KLHL18: variants seen among roughly 807,000 people sequenced by gnomAD.
KLHL18 encodes kelch-like protein 18.
Under a neutral mutation model 58.5 loss-of-function variants are expected in KLHL18, and 38 were observed. The observed-to-expected ratio is 0.65, with a 90% confidence interval of 0.50 to 0.85. KLHL18 has a LOEUF of 0.85. KLHL18 is among the 40% of genes least tolerant of loss of function. KLHL18 has a pLI of 0.00. For missense variants in KLHL18, 624 were observed against 778.4 expected, an observed-to-expected ratio of 0.80 and a Z score of 2.36; for synonymous variants, 303 against 301.9, an observed-to-expected ratio of 1.00 and a Z score of -0.04.
At chr3:47,331,976 G>T (rs749154315) in intron 4 of KLHL18, among the ~76,000 whole-genome samples, 13 of 152,098 alleles carry the variant, frequency 8.5e-5, no homozygotes, top group Non-Finnish European at 1.9e-4. Context: ...CAGGGACGGG[G>T]GACAGGTAGA....
At chr3:47,304,373 G>A (rs1703091451) in intron 1 of KLHL18, among the ~76,000 whole-genome samples, 1 of 151,876 alleles carries the variant, frequency 6.6e-6, no homozygotes, top group Non-Finnish European at 1.5e-5. Context: ...ATGGTGGTGC[G>A]CATCTTGTAG....
intron 1 of KLHL18, among the ~76,000 whole-genome samples, chr3:47,286,050 A>G (rs1702668822): frequency 1.3e-5 from 2 of 152,180 alleles, no homozygotes; most frequent in African/African-American, 2.4e-5. Flanking sequence ...AAAAAAAAAA[A>G]AAAAGAATCA....
At chr3:47,322,297 C>G (rs974836666) in intron 2 of KLHL18, among the ~76,000 whole-genome samples, 4 of 152,144 alleles carry the variant, frequency 2.6e-5, no homozygotes, top group Non-Finnish European at 5.9e-5. Flanking sequence ...TGTTGGCGAT[C>G]AAGGACTAAA....
intron 2 of KLHL18, among the ~76,000 whole-genome samples, chr3:47,320,040 T>TA (rs1703549569): frequency 6.6e-6 from 1 of 152,040 alleles, no homozygotes. Context: ...CCATGATTTT[T>TA]TTTTTTTTTT....
At position 47,336,720 on chromosome 3, in the gene KLHL18, A is replaced by T. The variant is rs369312147; in HGVS notation, c.1084A>T (p.Thr362Ser). The T allele has an allele frequency of 6.2e-7, 1 of 1,614,124 alleles. No homozygotes were observed. Among genetic ancestry groups the T allele is most frequent in the African/African-American group, 1.3e-5 (1 of 74,948 alleles). The stretch of plus-strand genomic sequence containing the variant: ...GGAGGCCTACAACCCGGAGACAGAC[A>T]CATGGACCAGAGTGGGGAGCATGAA... Reference protein sequence around the residue: ...TVEAYNPETDTWTRVGSMNSK... With the variant: ...TVEAYNPETDSWTRVGSMNSK... The change falls in exon 7 of 10, where the codon ACA (threonine) becomes TCA (serine). Residue 362 changes from threonine to serine, a missense_variant. Transcript: ENST00000232766.
In KLHL18 at chr3:47,344,267, A is replaced by T. The variant is rs1036561358; in HGVS notation, c.*326A>T. 2 of 373,928 alleles carry T rather than the reference A, an allele frequency of 5.3e-6. No homozygotes were observed. The highest frequency in any genetic ancestry group is 9.7e-6 in the Non-Finnish European group (2 of 205,392). The allele number at this position is 373,928 out of a possible 1,614,324, so 23.2% of individuals were successfully genotyped here. A position where few individuals can be genotyped will look rare whatever the true frequency, so the allele number is the denominator to read the frequency against. On this transcript the variant is annotated 3_prime_UTR_variant, in exon 10 of 10. Transcript: ENST00000232766. ...CCGCCTCTCTGTGGGCCAGCTGTTC[A>T]CAGAAGGCCTTCCATCTGATGCTCC...
chr3:47,337,600 T>C (rs1704014925), intron 7 of KLHL18: 1 of 152,256 alleles, frequency 6.6e-6, no homozygotes, highest in Non-Finnish European at 1.5e-5. Flanking sequence ...CTTTTACACA[T>C]TGAGCTTCCT....
chr3:47,336,984 T>G, intron 7 of KLHL18: 1 of 520,140 alleles, frequency 1.9e-6, no homozygotes, highest in Non-Finnish European at 3.5e-6. Flanking sequence ...GGCATGGACA[T>G]GTGGAAGTTG....
intron 3 of KLHL18, among the ~76,000 whole-genome samples, chr3:47,328,966 C>T (rs1703787824): frequency 6.6e-6 from 1 of 151,692 alleles, no homozygotes; most frequent in South Asian, 2.1e-4. Flanking sequence ...CCTGTCTCTA[C>T]CACAAAAAGT....
chr3:47,315,876 CT>C (rs1227181711), intron 1 of KLHL18, among the ~76,000 whole-genome samples: 1 of 152,068 alleles, frequency 6.6e-6, no homozygotes, highest in Non-Finnish European at 1.5e-5. Context: ...GAACAGGATT[CT>C]TTTAAAAAGG....
At chr3:47,316,948 A>G (rs997397188) in intron 1 of KLHL18, among the ~76,000 whole-genome samples, 3 of 151,906 alleles carry the variant, frequency 2.0e-5, no homozygotes, top group Non-Finnish European at 4.4e-5. Context: ...ATCTCTAAAA[A>G]CAAAAGAACT....
At chr3:47,285,108 C>T (rs756367413) in intron 1 of KLHL18, among the ~76,000 whole-genome samples, 1 of 152,172 alleles carries the variant, frequency 6.6e-6, no homozygotes, top group African/African-American at 2.4e-5. Context: ...CCACCAAGCC[C>T]GGCCCTTTTC....
intron 8 of KLHL18, 142 bp from the exon 9 acceptor site, chr3:47,342,577 G>A: frequency 1.5e-6 from 1 of 656,428 alleles, no homozygotes; most frequent in Non-Finnish European, 2.6e-6. Context: ...CAGCCAGGGA[G>A]AACTGTCAGA....
intron 1 of KLHL18, among the ~76,000 whole-genome samples, chr3:47,304,122 A>G (rs1204626951): frequency 6.6e-6 from 1 of 152,184 alleles, no homozygotes; most frequent in East Asian, 1.9e-4. Flanking sequence ...ACATCTTTTC[A>G]TGTGCTTGTT....
intron 1 of KLHL18, among the ~76,000 whole-genome samples, chr3:47,303,099 C>T (rs529850255): frequency 3.7e-4 from 57 of 152,322 alleles, no homozygotes; most frequent in Non-Finnish European, 7.8e-4. Context: ...GTCATAAATC[C>T]CGTGACGTCA....
intron 1 of KLHL18, among the ~76,000 whole-genome samples, chr3:47,311,029 A>G (rs1185592133): frequency 7.2e-6 from 1 of 138,322 alleles, no homozygotes; most frequent in South Asian, 2.3e-4. Context: ...TTTTTTTTTG[A>G]TCTGGAGTCT....
rs1460508512 is a variant in KLHL18, at chr3:47,322,509, C to G, written c.261-59C>G. 6 of 1,486,412 alleles carry G rather than the reference C, an allele frequency of 4.0e-6. No homozygotes were observed. The Admixed American group carries it at 1.1e-4, about 28-fold the overall frequency. The allele number at this position is 1,486,412 out of a possible 1,614,324, so 92.1% of individuals were successfully genotyped here. On this transcript the variant is annotated intron_variant, in intron 2 of 9. Coordinates refer to ENST00000232766, the MANE Select transcript of KLHL18 (RefSeq NM_025010.5). ...ATGTCAGTTCAGTTAGGGCCTGAGT[C>G]TCCCGTGGGCCAAGACTCGTCTCTG...
intron 1 of KLHL18, among the ~76,000 whole-genome samples, chr3:47,299,926 T>G (rs904395457): frequency 1.3e-5 from 2 of 151,270 alleles, no homozygotes; most frequent in Admixed American, 6.6e-5. Flanking sequence ...GACTCAAGAC[T>G]GTAACATCAA....
intron 1 of KLHL18, among the ~76,000 whole-genome samples, chr3:47,307,341 C>T (rs1215799472): frequency 6.6e-5 from 10 of 152,002 alleles, no homozygotes; most frequent in East Asian, 3.9e-4. Flanking sequence ...CCAAAGTGCT[C>T]GGATTACAGG....
Sources: allele counts gnomAD v4.1 joint callset (sites outside exome capture counted in the v4.1 genomes callset), GRCh38; gene constraint gnomAD v4.1.1; transcripts MANE v1.5; gene names NCBI Gene and HGNC (gene_info 2026-07-23, HGNC 2026-07-21).